FMN2: variants seen among roughly 807,000 people sequenced by gnomAD.
The protein encoded by FMN2 is formin 2, also known as formin-2.
In FMN2, 51 loss-of-function variants were observed where a neutral mutation model predicts 142.3. The observed-to-expected ratio is 0.36, with a 90% CI of 0.29 to 0.45. The LOEUF is 0.45. FMN2 is among the 20% of genes least tolerant of loss of function. The pLI is 1.00. For missense variants in FMN2, 1,936 were observed against 2,122.8 expected (o/e 0.91, Z 1.73); for synonymous variants, 882 against 869.8 (o/e 1.01, Z -0.25).
rs747216868 is a variant in FMN2 at position 240,472,395 on chromosome 1, G to A, written c.5084G>A (p.Cys1695Tyr). 1 of 1,612,380 alleles carries A rather than the reference G, an allele frequency of 6.2e-7. No individual in the cohort carries two copies. The highest frequency in any genetic ancestry group is 8.5e-7 in the Non-Finnish European group (1 of 1,179,410). Reference protein sequence around the residue: ...QERVKEAEEVCRQKKGKSLYK... With the variant: ...QERVKEAEEVYRQKKGKSLYK... ...AGAGTAAAAGAAGCCGAAGAGGTGTGTAGACAGAAGAAAGGAAAATCACTT... is the reference window on the plus strand; with the variant it reads ...AGAGTAAAAGAAGCCGAAGAGGTGTATAGACAGAAGAAAGGAAAATCACTT... The change falls in exon 17 of 18, where the codon TGT becomes TAT. Residue 1695 changes from cysteine (C) to tyrosine (Y), a missense_variant. By Grantham distance (194) the Cys-to-Tyr change is radical. Around this residue, in one of 8 missense-constraint regions of FMN2, gnomAD observed 322 missense variants for 401.6 expected, o/e 0.80. Coordinates refer to ENST00000319653, the MANE Select transcript of FMN2 (RefSeq NM_020066.5).
In FMN2 at chr1:240,355,849, TCTC is replaced by T. The variant is rs763844448; in HGVS notation, c.4803_4805del (p.Ser1602del). 1 of 1,609,414 alleles carries T rather than the reference TCTC, an allele frequency of 6.2e-7. No individual in the cohort carries two copies. Among genetic ancestry groups the T allele is most frequent in the East Asian group, 2.2e-5 (1 of 44,586 alleles). ...GTTGAAGCAGGGAAAGTATACCAGG[TCTC>T]CTCAAAAGAGCATATGCAGCCTTTC... On this transcript the variant is annotated inframe_deletion, in exon 14 of 18. Coordinates refer to ENST00000319653, the MANE Select transcript of FMN2 (RefSeq NM_020066.5).
At chr1:240,383,792 A>G (rs1266835211) in intron 14 of FMN2, among the ~76,000 whole-genome samples, 1 of 152,196 alleles carries the variant, frequency 6.6e-6, no homozygotes, top group Admixed American at 6.5e-5. Context: ...ACCTGCATTC[A>G]TATGTTTATT....
At chr1:240,264,331 A>G (rs1668723731) in intron 7 of FMN2, among the ~76,000 whole-genome samples, 2 of 152,194 alleles carry the variant, frequency 1.3e-5, no homozygotes, top group Admixed American at 1.3e-4. Context: ...CCAAAAAGAG[A>G]ACCGGTATTG....
Position 240,207,593 on chromosome 1 carries a change from C to G in FMN2, c.2781C>G (p.Pro927=), listed in dbSNP as rs1163533476. The G allele has an allele frequency of 1.3e-6, 2 of 1,590,994 alleles. No homozygotes were observed. The highest frequency in any genetic ancestry group is 1.7e-5 in the Admixed American group (1 of 58,554). Residue 927 remains proline (P), a synonymous_variant, in exon 5 of 18, where the codon CCC becomes CCG. Transcript: ENST00000319653. ...GCATACCTCCTCCGCCGCCTCTACC[C>G]GGAGCAGGCATACTCCCTCTGCCCC... ...GAGIPPPPPL[P]GAGILPLPPL... is the part of the protein sequence containing the mutation.
At chr1:240,148,371 G>GAC (rs766748964) in intron 2 of FMN2, among the ~76,000 whole-genome samples, 28,007 of 141,376 alleles carry the variant, frequency 0.2, 2,747 homozygotes, top group Middle Eastern at 0.28. Context: ...CAGAGACAGA[G>GAC]AGAGAGAGAG....
intron 13 of FMN2, among the ~76,000 whole-genome samples, chr1:240,350,401 T>C (rs1406462637): frequency 6.6e-6 from 1 of 152,218 alleles, no homozygotes; most frequent in Non-Finnish European, 1.5e-5. Flanking sequence ...CTTTCTTTCA[T>C]ACAGGGTCTT....
chr1:240,369,189 T>C (rs1672782948), intron 14 of FMN2, among the ~76,000 whole-genome samples: 1 of 152,062 alleles, frequency 6.6e-6, no homozygotes, highest in Non-Finnish European at 1.5e-5. Context: ...GGCATGCAAG[T>C]TTTTTGGTTT....
At chr1:240,193,160 G>C (rs1665776063) in intron 4 of FMN2, among the ~76,000 whole-genome samples, 1 of 152,166 alleles carries the variant, frequency 6.6e-6, no homozygotes, top group Non-Finnish European at 1.5e-5. Flanking sequence ...ATGGCCTGTG[G>C]AGAAAGGCAA....
chr1:240,470,223 AC>A (rs1676765444), intron 16 of FMN2, among the ~76,000 whole-genome samples: 1 of 151,762 alleles, frequency 6.6e-6, no homozygotes, highest in South Asian at 2.1e-4. Flanking sequence ...AAAAAAAAAA[AC>A]AGTTTCCTTA....
chr1:240,246,000 G>A (rs995428780), intron 6 of FMN2, among the ~76,000 whole-genome samples: 1 of 152,064 alleles, frequency 6.6e-6, no homozygotes, highest in African/African-American at 2.4e-5. Context: ...CTAACATGGT[G>A]AAACCCTGTC....
intron 14 of FMN2, among the ~76,000 whole-genome samples, chr1:240,361,141 GTATATATATATATA>G (rs202070560): frequency 4.3e-3 from 186 of 43,236 alleles, no homozygotes; most frequent in East Asian, 7.6e-3. Flanking sequence ...AAATATATGT[GTATATATATATATA>G]TATATATATA....
At position 240,301,050 on chromosome 1, in the gene FMN2, T is replaced by C. The variant is rs181128419; in HGVS notation, c.4215+6167T>C. Among the ~76,000 whole-genome samples, 894 of 152,134 alleles carry C rather than the reference T, an allele frequency of 5.9e-3. 10 individuals are homozygous for C. The highest frequency in any genetic ancestry group is 0.021 in the African/African-American group (855 of 41,562). On this transcript the variant is annotated intron_variant, in intron 8 of 17. Transcript: ENST00000319653. Reference sequence around the variant, plus strand: ...TCTTGGAGCATTTAGATTGTCAACATTTATTGTAATTGTTGTTATAGTTGG... The same window carrying C: ...TCTTGGAGCATTTAGATTGTCAACACTTATTGTAATTGTTGTTATAGTTGG...
intron 2 of FMN2, among the ~76,000 whole-genome samples, chr1:240,130,584 G>A (rs1662696357): frequency 2.0e-5 from 3 of 152,148 alleles, no homozygotes; most frequent in Admixed American, 6.5e-5. Context: ...GATTACAGGC[G>A]TGAGCCACCA....
intron 14 of FMN2, among the ~76,000 whole-genome samples, chr1:240,360,986 G>A (rs998099248): frequency 4.0e-4 from 61 of 151,654 alleles, no homozygotes; most frequent in African/African-American, 1.3e-3. Flanking sequence ...TCGGGAGAGG[G>A]GGGAGGGATA....
At chr1:240,137,716 A>G (rs973626541) in intron 2 of FMN2, among the ~76,000 whole-genome samples, 18 of 152,140 alleles carry the variant, frequency 1.2e-4, no homozygotes, top group Non-Finnish European at 2.5e-4. Context: ...GTGATAGAAG[A>G]GTTTTCAGGT....
chr1:240,327,937 A>T (rs1490526780), intron 8 of FMN2, among the ~76,000 whole-genome samples: 1 of 152,014 alleles, frequency 6.6e-6, no homozygotes, highest in Non-Finnish European at 1.5e-5. Flanking sequence ...ACCTGAGGTC[A>T]GGAGTTCAAG....
intron 6 of FMN2, among the ~76,000 whole-genome samples, chr1:240,251,843 G>A (rs543700081): frequency 2.6e-5 from 4 of 152,212 alleles, no homozygotes; most frequent in African/African-American, 9.6e-5. Flanking sequence ...TTACATTCAA[G>A]GTTATTATTG....
chr1:240,386,179 G>A (rs1055669698), intron 14 of FMN2, among the ~76,000 whole-genome samples: 20 of 152,092 alleles, frequency 1.3e-4, no homozygotes, highest in South Asian at 4.1e-4. Flanking sequence ...ATTGTCAAAA[G>A]GAAGAGTGTG....
intron 7 of FMN2, among the ~76,000 whole-genome samples, chr1:240,292,722 T>A (rs988832): frequency 1.3e-5 from 2 of 152,044 alleles, no homozygotes; most frequent in African/African-American, 4.8e-5. Flanking sequence ...TGTTAGCATA[T>A]GCTTTTTAAA....
Sources: gnomAD v4.1 joint callset for allele counts (sites outside exome capture counted in the v4.1 genomes callset) on GRCh38, gnomAD v4.1.1 for gene constraint, gnomAD v4.1.1 regional missense constraint, MANE v1.5 for transcripts, NCBI Gene and HGNC (gene_info 2026-07-23, HGNC 2026-07-21) for gene names.